KITLG: variants seen among roughly 807,000 people sequenced by gnomAD.
The protein encoded by KITLG is c-Kit ligand.
A neutral mutation model predicts 34.1 loss-of-function variants in KITLG; 13 were observed. The observed-to-expected ratio is 0.38, with a 90% CI of 0.25 to 0.61. The LOEUF (loss-of-function observed/expected upper bound fraction) is 0.61, where lower values mean the gene tolerates loss of function less well. Among genes scored for constraint, KITLG ranks in the 20% least tolerant of loss-of-function variants. The probability of loss-of-function intolerance (pLI) is 0.60; values close to 1 mark genes in which losing one functional copy is unlikely to be tolerated. For synonymous variants in KITLG, 110 were observed against 104.0 expected, an observed-to-expected ratio of 1.06 and a Z score of -0.35; for missense variants, 292 against 318.9, an observed-to-expected ratio of 0.92 and a Z score of 0.64.
chr12:88,510,067 C>A (rs1869216500), intron 6 of KITLG, among the ~76,000 whole-genome samples: 2 of 152,156 alleles, frequency 1.3e-5, no homozygotes, highest in African/African-American at 4.8e-5. Flanking sequence ...AATTATATCT[C>A]CTTATTACCA....
chr12:88,574,290 G>A (rs376447124), intron 1 of KITLG, among the ~76,000 whole-genome samples: 98 of 139,200 alleles, frequency 7.0e-4, no homozygotes, highest in African/African-American at 9.0e-4. Context: ...ACTGCTAAAA[G>A]AAAAAAAAAA....
At chr12:88,531,498 A>G in intron 3 of KITLG, among the ~76,000 whole-genome samples, 1 of 152,216 alleles carries the variant, frequency 6.6e-6, no homozygotes, top group East Asian at 1.9e-4. Flanking sequence ...TATGCTTGAA[A>G]TATTTCTTAA....
Position 88,553,792 on chromosome 12 carries a change from T to G in KITLG, c.16-7927A>C, listed in dbSNP as rs149447472. On this transcript the variant is annotated intron_variant, in intron 1 of 9. Transcript: ENST00000644744. ...AGGCATGCAGTAGAAACAGTTCTGG[T>G]AGAGGGAAGTAATACTGACTAAAAT... 8.6e-3 allele frequency among the ~76,000 whole-genome samples: 1,315 copies of G among 152,236 alleles called. 23 individuals are homozygous for G. Among genetic ancestry groups the G allele is most frequent in the African/African-American group, 0.03 (1,246 of 41,546 alleles).
intron 3 of KITLG, among the ~76,000 whole-genome samples, chr12:88,532,018 T>C (rs1203916926): frequency 6.6e-6 from 1 of 152,022 alleles, no homozygotes; most frequent in Non-Finnish European, 1.5e-5. Flanking sequence ...GGAGTTCCAG[T>C]GTGCCTTCCA....
At chr12:88,560,967 C>CAAAAAAAAAAAAAAAAAA (rs34851499) in intron 1 of KITLG, among the ~76,000 whole-genome samples, 2 of 58,082 alleles carry the variant, frequency 3.4e-5, no homozygotes, top group Non-Finnish European at 5.5e-5. Flanking sequence ...GACTCTGTCT[C>CAAAAAAAAAAAAAAAAAA]AAAAAAAAAA....
At chr12:88,567,124 A>G (rs1316178714) in intron 1 of KITLG, among the ~76,000 whole-genome samples, 1 of 152,220 alleles carries the variant, frequency 6.6e-6, no homozygotes, top group Admixed American at 6.5e-5. Flanking sequence ...AGGCCTTAAA[A>G]GCAGGGACTT....
At chr12:88,522,725 C>T (rs1165958144) in intron 3 of KITLG, among the ~76,000 whole-genome samples, 1 of 151,994 alleles carries the variant, frequency 6.6e-6, no homozygotes, top group African/African-American at 2.4e-5. Flanking sequence ...ACCGCGCCCA[C>T]CCCACAGACA....
At chr12:88,499,552 A>G (rs571546989) in intron 9 of KITLG, among the ~76,000 whole-genome samples, 163 of 152,250 alleles carry the variant, frequency 1.1e-3, no homozygotes, top group African/African-American at 3.7e-3. Context: ...ATAACTCTCA[A>G]ATTGCAAATC....
chr12:88,550,721 T>TGTC (rs1870882853), intron 1 of KITLG, among the ~76,000 whole-genome samples: 1 of 152,142 alleles, frequency 6.6e-6, no homozygotes, highest in African/African-American at 2.4e-5. Flanking sequence ...GTCCCAGAAC[T>TGTC]CCTGCAAATC....
At chr12:88,556,395 G>C (rs1871099579) in intron 1 of KITLG, among the ~76,000 whole-genome samples, 1 of 152,162 alleles carries the variant, frequency 6.6e-6, no homozygotes, top group Non-Finnish European at 1.5e-5. Context: ...TGGACTGGGG[G>C]AGAGAGGGCA....
rs933948899 is a variant in KITLG at position 88,516,514 on chromosome 12, T to C, written c.364-24A>G. 5.2e-6 allele frequency: 8 copies of C among 1,535,754 alleles called. No homozygotes were observed. In the African/African-American group the frequency reaches 9.6e-5, roughly 19 times the overall value. ...TCCTAGAAGAAAAAATAGGATTACA[T>C]TTTTCAAATAGTCTTCAGACTTAAC... is the stretch of plus-strand genomic sequence containing the variant. On this transcript the variant is annotated intron_variant, in intron 4 of 9. Transcript: ENST00000644744.
In KITLG at chr12:88,506,264, T is replaced by C. The variant is rs868430459; in HGVS notation, c.782+47A>G. The stretch of plus-strand genomic sequence containing the variant: ...ATGGGCAGGTACACAGTGTGTGAAA[T>C]GGCAATGTCATGCTTGATTGGGCAC... On this transcript the variant is annotated intron_variant, in intron 8 of 9. Coordinates refer to ENST00000644744, the MANE Select transcript of KITLG (RefSeq NM_000899.5). 5 of 1,279,580 alleles carry C rather than the reference T, an allele frequency of 3.9e-6. No homozygotes were observed. The Middle Eastern group carries it at 5.5e-4, about 142-fold the overall frequency. The allele number at this position is 1,279,580 out of a possible 1,614,324, so 79.3% of individuals were successfully genotyped here.
Position 88,526,159 on chromosome 12 carries a change from G to T in KITLG, c.192+6282C>A, listed in dbSNP as rs115009520. ...AGAGAGTCATGAACATTAGGTTCAG[G>T]AATCTGGCTCTCAGCCTTTAGTAAA... On this transcript the variant is annotated intron_variant, in intron 3 of 9. Transcript: ENST00000644744. 8.8e-3 allele frequency among the ~76,000 whole-genome samples: 1,341 copies of T among 152,306 alleles called. 26 individuals carry two copies. Among genetic ancestry groups the T allele is most frequent in the African/African-American group, 0.031 (1,273 of 41,564 alleles).
At chr12:88,576,227 AG>A (rs1313402823) in intron 1 of KITLG, among the ~76,000 whole-genome samples, 1 of 152,184 alleles carries the variant, frequency 6.6e-6, no homozygotes, top group Non-Finnish European at 1.5e-5. Flanking sequence ...TCAAAAACGT[AG>A]CACCTCTTAA....
At chr12:88,538,899 G>A (rs1870422322) in intron 2 of KITLG, among the ~76,000 whole-genome samples, 1 of 152,140 alleles carries the variant, frequency 6.6e-6, no homozygotes, top group Non-Finnish European at 1.5e-5. Flanking sequence ...ACTGGATGAT[G>A]AGCTAACTGT....
intron 1 of KITLG, among the ~76,000 whole-genome samples, chr12:88,571,532 G>A (rs1028124067): frequency 6.6e-6 from 1 of 152,160 alleles, no homozygotes. Context: ...TGCCAGTCAT[G>A]CACCAAACAC....
chr12:88,511,821 C>T (rs1869287787), intron 6 of KITLG, among the ~76,000 whole-genome samples: 1 of 152,060 alleles, frequency 6.6e-6, no homozygotes, highest in Admixed American at 6.6e-5. Flanking sequence ...TATTCCATGC[C>T]TTAGGAATAA....
At position 88,532,487 on chromosome 12, in the gene KITLG, T is replaced by C; in HGVS notation, c.146A>G (p.Lys49Arg). 1 of 1,610,058 alleles carries C rather than the reference T, an allele frequency of 6.2e-7. No individual in the cohort carries two copies. Among genetic ancestry groups the C allele is most frequent in the South Asian group, 1.1e-5 (1 of 89,968 alleles). ...ATATTTGAGGGTTATCATGTAGTCT[T>C]TTGGAAGATTTGCCACCTACAGAGA... ...DVTKLVANLP[K>R]DYMITLKYVP... The change falls in exon 3 of 10, where the codon AAA becomes AGA. Residue 49 changes from lysine to arginine, a missense_variant. Physicochemically the swap from Lys to Arg is conservative, Grantham distance 26. Transcript: ENST00000644744.
At chr12:88,566,795 A>G (rs1442864788) in intron 1 of KITLG, among the ~76,000 whole-genome samples, 2 of 152,246 alleles carry the variant, frequency 1.3e-5, no homozygotes, top group Non-Finnish European at 2.9e-5. Context: ...TGACACAGTC[A>G]GACTTCTGTT....
Sources: gnomAD v4.1 joint callset for allele counts (sites outside exome capture counted in the v4.1 genomes callset) on GRCh38, gnomAD v4.1.1 for gene constraint, MANE v1.5 for transcripts, NCBI Gene and HGNC (gene_info 2026-07-23, HGNC 2026-07-21) for gene names.